The following ZNF331 variants were observed in gnomAD, a reference collection of about 807,000 sequenced individuals.
ZNF331 encodes the protein C2H2-like zinc finger protein rearranged in thyroid adenomas.
Under a neutral mutation model 7.0 loss-of-function variants are expected in ZNF331, and 2 were observed. The ratio of observed to expected loss-of-function variants is 0.29; its 90% CI spans 0.12 to 0.90. The LOEUF is 0.90. Among genes scored for constraint, ZNF331 ranks in the 40% least tolerant of loss-of-function variants. The pLI, the probability that ZNF331 is intolerant of heterozygous loss-of-function variation, is 0.58. For synonymous variants in ZNF331, 196 were observed against 205.4 expected (o/e 0.95, Z 0.39); for missense variants, 432 against 587.7 (o/e 0.74, Z 2.74).
At chr19:53,556,224 C>G (rs1232457753) in intron 3 of ZNF331, among the ~76,000 whole-genome samples, 1 of 119,346 alleles carries the variant, frequency 8.4e-6, no homozygotes, top group Non-Finnish European at 1.6e-5. Flanking sequence ...GCCTGGGCAA[C>G]ACAGCGAGAC....
chr19:53,523,015 G>T (rs1380062481), intron 2 of ZNF331, among the ~76,000 whole-genome samples: 1 of 152,014 alleles, frequency 6.6e-6, no homozygotes, highest in Admixed American at 6.6e-5. Context: ...TATTATTGTA[G>T]TTATTTTTTA....
At chr19:53,561,382 A>T (rs544434608) in intron 3 of ZNF331, among the ~76,000 whole-genome samples, 3 of 151,656 alleles carry the variant, frequency 2.0e-5, no homozygotes, top group Non-Finnish European at 2.9e-5. Context: ...CTCTTAGAGA[A>T]AACTCTCTAA....
chr19:53,532,137 A>C (rs2087566700), intron 2 of ZNF331, among the ~76,000 whole-genome samples: 1 of 152,228 alleles, frequency 6.6e-6, no homozygotes, highest in Admixed American at 6.6e-5. Flanking sequence ...AACATCTCTC[A>C]GCAATTTTCA....
the ZNF331 span, among the ~76,000 whole-genome samples, chr19:53,510,469 A>T: frequency 6.7e-6 from 1 of 150,368 alleles, no homozygotes; most frequent in African/African-American, 2.5e-5. Flanking sequence ...CTTTATTTTA[A>T]ATCAGACCTT....
chr19:53,574,584 C>A (rs1419082448), intron 5 of ZNF331, among the ~76,000 whole-genome samples: 1 of 152,114 alleles, frequency 6.6e-6, no homozygotes, highest in African/African-American at 2.4e-5. Flanking sequence ...CTTTATCATT[C>A]CTGAAAGTGG....
At chr19:53,538,812 T>C (rs1600255665) in intron 1 of ZNF331, 1 of 152,600 alleles carries the variant, frequency 6.6e-6, no homozygotes, top group African/African-American at 2.4e-5. Context: ...GTGCAACTTG[T>C]AGCTCCAGCG....
At chr19:53,547,322 A>C (rs2088679036) in intron 2 of ZNF331, among the ~76,000 whole-genome samples, 1 of 152,104 alleles carries the variant, frequency 6.6e-6, no homozygotes. Flanking sequence ...CACTTAGTAC[A>C]ATGTCCTCCA....
At chr19:53,548,069 A>G (rs2088737046) in intron 2 of ZNF331, among the ~76,000 whole-genome samples, 1 of 151,396 alleles carries the variant, frequency 6.6e-6, no homozygotes, top group African/African-American at 2.4e-5. Flanking sequence ...AGCTGGGACT[A>G]CAGGCACATG....
At chr19:53,533,830 G>A (rs543239159), upstream of ZNF331, among the ~76,000 whole-genome samples, 1 of 152,230 alleles carries the variant, frequency 6.6e-6, no homozygotes, top group African/African-American at 2.4e-5. Flanking sequence ...GAGCTGGGGC[G>A]ACAACTCACC....
At chr19:53,519,538 C>T (rs147926308), upstream of ZNF331, among the ~76,000 whole-genome samples, 261 of 152,308 alleles carry the variant, frequency 1.7e-3, 3 homozygotes, top group East Asian at 0.032. Flanking sequence ...AAGGAACATC[C>T]TGATGAGATC....
At chr19:53,566,684 T>TA (rs2090172105) in intron 3 of ZNF331, among the ~76,000 whole-genome samples, 1 of 152,166 alleles carries the variant, frequency 6.6e-6, no homozygotes. Flanking sequence ...GAGCCACTCT[T>TA]ACACGTGAAA....
At position 53,578,078 on chromosome 19, in the gene ZNF331, C is replaced by G. The variant is rs186407243; in HGVS notation, c.*126C>G. ...TCCAGAAATAAAGAATTTTAAGTCT[C>G]AAATGGTGTGCCCTTCTGAGTAGCG... On this transcript the variant is annotated 3_prime_UTR_variant, in exon 6 of 6. Coordinates refer to ENST00000449416, the MANE Select transcript of ZNF331 (RefSeq NM_001079906.2). The G allele has an allele frequency of 3.4e-3, 4,123 of 1,218,842 alleles. 10 individuals are homozygous for G. The highest frequency in any genetic ancestry group is 4.2e-3 in the Non-Finnish European group (3,819 of 900,316). 75.5% of individuals were successfully genotyped at this position (1,218,842 alleles called of 1,614,324 possible). A position where few individuals can be genotyped will look rare whatever the true frequency, so the allele number is the denominator to read the frequency against.
intron 2 of ZNF331, among the ~76,000 whole-genome samples, chr19:53,528,910 G>C (rs12975312): frequency 2.0e-5 from 3 of 151,448 alleles, no homozygotes; most frequent in African/African-American, 7.3e-5. Context: ...TCAGCCTCCC[G>C]AGTAGCTGGG....
intron 3 of ZNF331, among the ~76,000 whole-genome samples, chr19:53,557,449 C>T (rs929222412): frequency 6.6e-6 from 1 of 152,192 alleles, no homozygotes; most frequent in African/African-American, 2.4e-5. Flanking sequence ...TTCCTGAGCA[C>T]TCCTCCCTCA....
chr19:53,540,758 T>TG lies in ZNF331; in HGVS notation c.-138+1477dup, dbSNP rs538011249. On this transcript the variant is annotated intron_variant, in intron 2 of 5. Coordinates refer to ENST00000449416, the MANE Select transcript of ZNF331 (RefSeq NM_001079906.2). ...CCCTGTGGGAGGTATTTTATGTCCT[T>TG]GCTTTTGCTGGCTTCTAGACACTGC... 2.1e-4 allele frequency among the ~76,000 whole-genome samples: 29 copies of TG among 137,638 alleles called. No individual in the cohort carries two copies. In the South Asian group the frequency reaches 6.0e-3, roughly 28 times the overall value. 90.3% of individuals were successfully genotyped at this position (137,638 alleles called of 152,430 possible). A position where few individuals can be genotyped will look rare whatever the true frequency, so the allele number is the denominator to read the frequency against.
Position 53,577,468 on chromosome 19 carries a change from A to C in ZNF331, c.908A>C (p.Glu303Ala), listed in dbSNP as rs748950400. ...GGTGAGAAACCCTATGAATGTCAAG[A>C]ATGTGGGAAGGCCTTTACTCGAGTC... The part of the protein sequence containing the change: ...HTGEKPYECQ[E>A]CGKAFTRVNY... Residue 303 changes from glutamate to alanine, a missense_variant, in exon 6 of 6, where the codon GAA becomes GCA. Glu to Ala is a moderately radical substitution (Grantham distance 107). Around this residue, in one of 3 missense-constraint regions of ZNF331, gnomAD observed 312 missense variants for 448.6 expected, o/e 0.70. Coordinates refer to ENST00000449416, the MANE Select transcript of ZNF331 (RefSeq NM_001079906.2). 2.4e-5 allele frequency: 38 copies of C among 1,614,074 alleles called. 1 individual carries two copies. Among genetic ancestry groups the C allele is most frequent in the Non-Finnish European group, 2.9e-5 (34 of 1,180,046 alleles).
At chr19:53,547,056 CAACTCACTGATA>C (rs2088663220) in intron 2 of ZNF331, among the ~76,000 whole-genome samples, 1 of 152,184 alleles carries the variant, frequency 6.6e-6, no homozygotes, top group South Asian at 2.1e-4. Flanking sequence ...ATCCCTCCCT[CAACTCACTGATA>C]ATCATATTTG....
intron 3 of ZNF331, among the ~76,000 whole-genome samples, chr19:53,568,106 G>A (rs1012771793): frequency 1.3e-5 from 2 of 151,902 alleles, no homozygotes; most frequent in African/African-American, 4.8e-5. Flanking sequence ...AAAATTAGCT[G>A]GACATGGTGG....
chr19:53,560,575 A>G lies in ZNF331; in HGVS notation c.-74+4667A>G, dbSNP rs142260960. Among the ~76,000 whole-genome samples, 1 of 152,240 alleles carries G rather than the reference A, an allele frequency of 6.6e-6. No individual in the cohort carries two copies. The highest frequency in any genetic ancestry group is 1.9e-4 in the East Asian group (1 of 5,168). Reference sequence around the variant, plus strand: ...AGATTATTGGCGTCATACAACACAAATGTATTATCTTACTGTCATAGAGGT... The same window carrying G: ...AGATTATTGGCGTCATACAACACAAGTGTATTATCTTACTGTCATAGAGGT... On this transcript the variant is annotated intron_variant, in intron 3 of 5. Transcript: ENST00000449416. This position sits in a 1 kb window ranked among gnomAD's most constrained non-coding sequence, Gnocchi z 4.3.
Sources: allele counts gnomAD v4.1 joint callset (sites outside exome capture counted in the v4.1 genomes callset), GRCh38; gene constraint gnomAD v4.1.1; regional missense constraint gnomAD v4.1.1; non-coding constraint Gnocchi (gnomAD v3.1); transcripts MANE v1.5; gene names NCBI Gene and HGNC (gene_info 2026-07-23, HGNC 2026-07-21).